The following CSMD1 variants were observed in gnomAD, a reference collection of about 807,000 sequenced individuals.
CSMD1 encodes the protein CUB and sushi domain-containing protein 1.
Under a neutral mutation model 417.5 loss-of-function variants are expected in CSMD1, and 213 were observed. That is an observed-to-expected ratio of 0.51 (90% CI 0.46 to 0.57). CSMD1 has a LOEUF of 0.57. Among genes scored for constraint, CSMD1 ranks in the 20% least tolerant of loss-of-function variants. CSMD1 has a pLI of 0.00. For missense variants in CSMD1, 6,923 were observed against 4,529.7 expected, an observed-to-expected ratio of 1.53 and a Z score of -15.17; for synonymous variants, 2,862 against 1,736.8, an observed-to-expected ratio of 1.65 and a Z score of -16.11.
intron 50 of CSMD1, among the ~76,000 whole-genome samples, chr8:3,051,352 C>G (rs1257142188): frequency 2.0e-5 from 3 of 152,262 alleles, no homozygotes; most frequent in Admixed American, 6.5e-5. Flanking sequence ...AACAGAAAAC[C>G]AAATAGCACA....
At chr8:4,087,930 C>T (rs1165408259) in intron 3 of CSMD1, among the ~76,000 whole-genome samples, 3 of 152,158 alleles carry the variant, frequency 2.0e-5, no homozygotes, top group Admixed American at 1.3e-4. Flanking sequence ...AAAATTTCCC[C>T]TTGTGACCAA....
intron 9 of CSMD1, among the ~76,000 whole-genome samples, chr8:3,585,233 C>T (rs1339062887): frequency 6.6e-6 from 1 of 152,182 alleles, no homozygotes; most frequent in Admixed American, 6.5e-5. Context: ...TTTTCACAGG[C>T]TGCAATGACA....
chr8:3,845,074 G>T (rs368271614), intron 5 of CSMD1, among the ~76,000 whole-genome samples: 12 of 152,106 alleles, frequency 7.9e-5, no homozygotes, highest in African/African-American at 2.9e-4. Context: ...TCATATTATA[G>T]TTTAAAATGC....
At chr8:3,689,397 T>A (rs1214197276) in intron 7 of CSMD1, among the ~76,000 whole-genome samples, 1 of 152,182 alleles carries the variant, frequency 6.6e-6, no homozygotes, top group African/African-American at 2.4e-5. Context: ...TCCCCTTCGG[T>A]TATACAATGT....
At chr8:4,351,511 A>C (rs557368369) in intron 3 of CSMD1, among the ~76,000 whole-genome samples, 1 of 152,364 alleles carries the variant, frequency 6.6e-6, no homozygotes, top group South Asian at 2.1e-4. Flanking sequence ...GAAAATTGAC[A>C]GAACTTAAAT....
At chr8:3,921,268 T>G (rs1380865403) in intron 5 of CSMD1, among the ~76,000 whole-genome samples, 1 of 152,150 alleles carries the variant, frequency 6.6e-6, no homozygotes, top group Non-Finnish European at 1.5e-5. Context: ...TAGTATCACC[T>G]CTTTCATTTC....
Position 4,357,573 on chromosome 8 carries a change from C to T in CSMD1, c.415+62380G>A, listed in dbSNP as rs140094902. On this transcript the variant is annotated intron_variant, in intron 3 of 69. Transcript: ENST00000635120. ...TGGAAAAAAAAAATCTGTCATTCTC[C>T]ATGGTCTGCTTAGTATTAGTCCTTT... Among the ~76,000 whole-genome samples the T allele has an allele frequency of 9.1e-3, 1,378 of 152,228 alleles. 8 individuals are homozygous for T. Among genetic ancestry groups the T allele is most frequent in the East Asian group, 0.018 (92 of 5,176 alleles).
intron 3 of CSMD1, among the ~76,000 whole-genome samples, chr8:4,165,855 A>C (rs1797427594): frequency 6.6e-6 from 1 of 152,246 alleles, no homozygotes; most frequent in Non-Finnish European, 1.5e-5. Flanking sequence ...TTTGCCATTG[A>C]AAGTAAAAGC....
At chr8:3,596,697 G>C (rs1429960404) in intron 8 of CSMD1, among the ~76,000 whole-genome samples, 2 of 151,954 alleles carry the variant, frequency 1.3e-5, no homozygotes, top group Non-Finnish European at 2.9e-5. Context: ...CAGTATCCAG[G>C]CTTAAGGAGC....
chr8:3,699,586 A>G lies in CSMD1; in HGVS notation c.1009+8828T>C, dbSNP rs533117623. ...ATGGGTTGATCTACTAATATTTTGA[A>G]AGATAGTGAATTTCCATTTTTACTC... On this transcript the variant is annotated intron_variant, in intron 7 of 69. Coordinates refer to ENST00000635120, the MANE Select transcript of CSMD1 (RefSeq NM_033225.6). Among the ~76,000 whole-genome samples the G allele has an allele frequency of 3.3e-5, 5 of 152,276 alleles. No homozygotes were observed. In the East Asian group the frequency reaches 9.7e-4, roughly 29 times the overall value.
At chr8:4,030,218 T>G (rs547263384) in intron 4 of CSMD1, among the ~76,000 whole-genome samples, 1 of 152,100 alleles carries the variant, frequency 6.6e-6, no homozygotes, top group African/African-American at 2.4e-5. Context: ...GGTGCCCCAG[T>G]AGGGACTCTG....
chr8:4,097,022 C>T (rs1019911001), intron 3 of CSMD1, among the ~76,000 whole-genome samples: 5 of 152,034 alleles, frequency 3.3e-5, no homozygotes, highest in African/African-American at 1.2e-4. Context: ...ATTTTTCCAC[C>T]CCCATCTTTT....
At chr8:4,311,142 T>G (rs1329117288) in intron 3 of CSMD1, among the ~76,000 whole-genome samples, 1 of 152,136 alleles carries the variant, frequency 6.6e-6, no homozygotes, top group Non-Finnish European at 1.5e-5. Flanking sequence ...AGCAATACCG[T>G]GACTGGCTGT....
intron 10 of CSMD1, among the ~76,000 whole-genome samples, chr8:3,565,232 AGATT>A (rs1799655452): frequency 6.6e-6 from 1 of 150,726 alleles, no homozygotes; most frequent in African/African-American, 2.4e-5. Flanking sequence ...ACAGATAGAT[AGATT>A]AATGATGACA....
At chr8:4,477,896 G>A (rs1287349485) in intron 2 of CSMD1, among the ~76,000 whole-genome samples, 1 of 152,034 alleles carries the variant, frequency 6.6e-6, no homozygotes, top group Non-Finnish European at 1.5e-5. Context: ...TATAACTGGT[G>A]GCAAAACCTG....
At position 4,760,892 on chromosome 8, in the gene CSMD1, G is replaced by T. The variant is rs1811997038; in HGVS notation, c.86-123334C>A. Among the ~76,000 whole-genome samples the T allele has an allele frequency of 1.3e-5, 2 of 152,154 alleles. 1 individual carries two copies. The highest frequency in any genetic ancestry group is 4.8e-5 in the African/African-American group (2 of 41,444). ...CTCATGTCATGACCTTTTAGAAAGT[G>T]TGCAGCAGAAGTTATGGTAGCATAT... On this transcript the variant is annotated intron_variant, in intron 1 of 69. Coordinates refer to ENST00000635120, the MANE Select transcript of CSMD1 (RefSeq NM_033225.6).
intron 2 of CSMD1, among the ~76,000 whole-genome samples, chr8:4,497,564 G>A (rs996029349): frequency 6.6e-6 from 1 of 152,152 alleles, no homozygotes; most frequent in African/African-American, 2.4e-5. Flanking sequence ...GAGGAAAGAC[G>A]GATGAGTGGA....
intron 10 of CSMD1, among the ~76,000 whole-genome samples, chr8:3,545,378 G>A (rs1207573783): frequency 6.6e-6 from 1 of 152,156 alleles, no homozygotes; most frequent in African/African-American, 2.4e-5. Context: ...CTACAAAACA[G>A]CTGTAAAACA....
At position 3,032,689 on chromosome 8, in the gene CSMD1, C is replaced by T. The variant is rs186662984; in HGVS notation, c.7661-3176G>A. Among the ~76,000 whole-genome samples the T allele has an allele frequency of 2.6e-5, 4 of 151,898 alleles. No homozygotes were observed. The South Asian group carries it at 8.3e-4, about 31-fold the overall frequency. On this transcript the variant is annotated intron_variant, in intron 50 of 69. Coordinates refer to ENST00000635120, the MANE Select transcript of CSMD1 (RefSeq NM_033225.6). ...CTGAAAACAGTGTCTTCCTGCAGTCCCTGTCACATACACTCTCACAAAGGT... is the reference window on the plus strand; with the variant it reads ...CTGAAAACAGTGTCTTCCTGCAGTCTCTGTCACATACACTCTCACAAAGGT...
Sources: gnomAD v4.1 joint callset for allele counts (sites outside exome capture counted in the v4.1 genomes callset) on GRCh38, gnomAD v4.1.1 for gene constraint, MANE v1.5 for transcripts, NCBI Gene and HGNC (gene_info 2026-07-23, HGNC 2026-07-21) for gene names.